NRG2: variants seen among roughly 807,000 people sequenced by gnomAD.
NRG2 encodes the protein neuregulin 2.
NRG2 carries 27 observed loss-of-function variants against 73.9 expected under a neutral mutation model. That is an observed-to-expected ratio of 0.37 (90% CI 0.27 to 0.50). The LOEUF (loss-of-function observed/expected upper bound fraction) is 0.50. NRG2 is among the 20% of genes least tolerant of loss of function. The pLI is 0.96. For synonymous variants in NRG2, 532 were observed against 541.0 expected (o/e 0.98, Z 0.23); for missense variants, 1,126 against 1,210.1 (o/e 0.93, Z 1.03).
At chr5:140,007,296 G>A (rs949418224) in intron 1 of NRG2, among the ~76,000 whole-genome samples, 2 of 152,068 alleles carry the variant, frequency 1.3e-5, no homozygotes, top group African/African-American at 2.4e-5. Flanking sequence ...CATCCTGTGC[G>A]AGCTGTAGTG....
chr5:139,917,560 GT>G (rs1751351566), intron 1 of NRG2, among the ~76,000 whole-genome samples: 1 of 151,992 alleles, frequency 6.6e-6, no homozygotes, highest in Non-Finnish European at 1.5e-5. Flanking sequence ...CCTTATTATT[GT>G]TTTGATCTGT....
intron 1 of NRG2, among the ~76,000 whole-genome samples, chr5:139,932,399 C>A (rs574287230): frequency 1.3e-5 from 2 of 150,026 alleles, no homozygotes; most frequent in African/African-American, 5.0e-5. Context: ...CATGATCTCA[C>A]TTATTAGTAG....
Position 139,954,841 on chromosome 5 carries a change from T to G in NRG2, c.701-67330A>C, listed in dbSNP as rs781772577. On this transcript the variant is annotated intron_variant, in intron 1 of 9. Coordinates refer to ENST00000361474, the MANE Select transcript of NRG2 (RefSeq NM_004883.3). This position sits in a 1 kb window ranked among gnomAD's most constrained non-coding sequence, Gnocchi z 5.0. The stretch of plus-strand genomic sequence containing the variant: ...GTTTTTGTAAGGATAAATTAGAAAA[T>G]GCTTGGAACAGAGCCTGGCACACAG... Among the ~76,000 whole-genome samples the G allele has an allele frequency of 1.3e-5, 2 of 152,090 alleles. No individual in the cohort carries two copies. The highest frequency in any genetic ancestry group is 6.5e-5 in the Admixed American group (1 of 15,268).
chr5:139,859,795 TGGAAAGGAAAC>T, intron 5 of NRG2: 1 of 1,347,542 alleles, frequency 7.4e-7, no homozygotes, highest in South Asian at 1.3e-5. Context: ...TTCCATTTTT[TGGAAAGGAAAC>T]CAAACATTCA....
rs535252993 is a variant in NRG2, at chr5:140,000,960, C to T, written c.700+41410G>A. ...CATAGGACTCAACGTCCTTCTCGATCTCTCTGTGACCTACTTTGATAGCCT... is the reference window on the plus strand; with the variant it reads ...CATAGGACTCAACGTCCTTCTCGATTTCTCTGTGACCTACTTTGATAGCCT... On this transcript the variant is annotated intron_variant, in intron 1 of 9. Coordinates refer to ENST00000361474, the MANE Select transcript of NRG2 (RefSeq NM_004883.3). Among the ~76,000 whole-genome samples, 22 of 152,338 alleles carry T rather than the reference C, an allele frequency of 1.4e-4. No individual in the cohort carries two copies. The South Asian group carries it at 4.4e-3, about 30-fold the overall frequency.
intron 1 of NRG2, among the ~76,000 whole-genome samples, chr5:139,927,867 A>C (rs761382492): frequency 6.6e-6 from 1 of 151,914 alleles, no homozygotes; most frequent in Non-Finnish European, 1.5e-5. Context: ...AAAGGAAACT[A>C]TCCCCAGGAT....
intron 1 of NRG2, among the ~76,000 whole-genome samples, chr5:139,971,078 G>C (rs540516245): frequency 6.6e-6 from 1 of 152,098 alleles, no homozygotes; most frequent in African/African-American, 2.4e-5. Context: ...CCCCAACATG[G>C]GGAGAAAAGA....
chr5:139,958,532 AG>A (rs1278260825), intron 1 of NRG2, among the ~76,000 whole-genome samples: 2 of 152,216 alleles, frequency 1.3e-5, no homozygotes, highest in Non-Finnish European at 2.9e-5. Context: ...AAATGGAAAA[AG>A]GATATTTTTT....
intron 1 of NRG2, among the ~76,000 whole-genome samples, chr5:139,978,830 C>T (rs1756571509): frequency 6.6e-6 from 1 of 151,874 alleles, no homozygotes; most frequent in African/African-American, 2.4e-5. Context: ...GACTTGGAAC[C>T]AACCCAAATG....
intron 1 of NRG2, among the ~76,000 whole-genome samples, chr5:139,911,789 GC>G (rs1750844567): frequency 6.6e-6 from 1 of 152,190 alleles, no homozygotes; most frequent in East Asian, 1.9e-4. Flanking sequence ...CAACCCTTCT[GC>G]CTGCCCCCCT....
chr5:139,859,978 A>T, intron 5 of NRG2: 1 of 1,506,734 alleles, frequency 6.6e-7, no homozygotes, highest in East Asian at 2.3e-5. Context: ...GTGGGTGGGG[A>T]CAGGGGGAGA....
intron 3 of NRG2, among the ~76,000 whole-genome samples, chr5:139,872,607 G>A (rs974162290): frequency 1.3e-5 from 2 of 152,124 alleles, no homozygotes; most frequent in South Asian, 2.1e-4. Flanking sequence ...CATAAATCAC[G>A]GGTTTCAAGT....
chr5:139,931,906 G>A (rs931307912), intron 1 of NRG2, among the ~76,000 whole-genome samples: 2 of 152,200 alleles, frequency 1.3e-5, no homozygotes, highest in Non-Finnish European at 2.9e-5. Flanking sequence ...CATTTGTATG[G>A]ACAGCTATTA....
chr5:139,906,252 T>C lies in NRG2; in HGVS notation c.701-18741A>G, dbSNP rs1765217623. ...CGAACTCCTGACCTCCTGATCCGCC[T>C]GCCTCAGCCTCTCAAAGTGTTGGGA... On this transcript the variant is annotated intron_variant, in intron 1 of 9. Coordinates refer to ENST00000361474, the MANE Select transcript of NRG2 (RefSeq NM_004883.3). 2.0e-5 allele frequency among the ~76,000 whole-genome samples: 3 copies of C among 151,848 alleles called. No homozygotes were observed. The South Asian group carries it at 6.2e-4, about 32-fold the overall frequency.
chr5:140,043,155 C>G lies in NRG2; in HGVS notation c.-86G>C, dbSNP rs1284121842. On this transcript the variant is annotated 5_prime_UTR_variant, in exon 1 of 10. Transcript: ENST00000361474. The surrounding 1 kb of genome is among the most constrained non-coding windows in gnomAD (Gnocchi z 6.7). ...GAGCCCGCTGGAAAACCGGAAACAG[C>G]GTAACGTTAGCGCCTCTTAGCCCTC... The G allele has an allele frequency of 5.4e-6, 8 of 1,476,704 alleles. No homozygotes were observed. In the Admixed American group the frequency reaches 1.6e-4, roughly 29 times the overall value. The allele number at this position is 1,476,704 out of a possible 1,614,324, so 91.5% of individuals were successfully genotyped here.
rs748080285 is a variant in NRG2, at chr5:139,887,538, G to C, written c.701-27C>G. 1 of 1,610,538 alleles carries C rather than the reference G, an allele frequency of 6.2e-7. No individual in the cohort carries two copies. On this transcript the variant is annotated intron_variant, in intron 1 of 9. Transcript: ENST00000361474. This position sits in a 1 kb window ranked among gnomAD's most constrained non-coding sequence, Gnocchi z 4.5. Reference sequence around the variant, plus strand: ...TGTGGGTTACAAGGCAGGTAGGTGAGCACGGTGGTGGTAGGGGCAGTGCCA... The same window carrying C: ...TGTGGGTTACAAGGCAGGTAGGTGACCACGGTGGTGGTAGGGGCAGTGCCA...
At chr5:139,882,515 C>T (rs997573233) in intron 2 of NRG2, among the ~76,000 whole-genome samples, 2 of 152,222 alleles carry the variant, frequency 1.3e-5, no homozygotes, top group Non-Finnish European at 2.9e-5. Flanking sequence ...GCCCACAACC[C>T]TCTTCTGTCA....
chr5:140,042,989 G>T lies in NRG2; in HGVS notation c.81C>A (p.Ser27Arg). ...TGCTGCTGCTCCTCTCGCTGCTGCT[G>T]CTGCTGCTGTCGCTGTAGCTGCTGC... ...GRCSSYSDSS[S>R]SSSERSSSSS... Residue 27 changes from serine (S) to arginine (R), a missense_variant, in exon 1 of 10, where the codon AGC becomes AGA. Coordinates refer to ENST00000361474, the MANE Select transcript of NRG2 (RefSeq NM_004883.3). 6.4e-7 allele frequency: 1 copy of T among 1,559,800 alleles called. No individual in the cohort carries two copies. Among genetic ancestry groups the T allele is most frequent in the Non-Finnish European group, 8.6e-7 (1 of 1,156,826 alleles).
chr5:139,950,451 T>A (rs1409055830), intron 1 of NRG2, among the ~76,000 whole-genome samples: 1 of 152,202 alleles, frequency 6.6e-6, no homozygotes, highest in Admixed American at 6.5e-5. Context: ...GTCTCCCCTT[T>A]CACTGAAACC....
Sources: gnomAD v4.1 joint callset for allele counts (sites outside exome capture counted in the v4.1 genomes callset) on GRCh38, gnomAD v4.1.1 for gene constraint, Gnocchi (gnomAD v3.1) non-coding constraint, MANE v1.5 for transcripts, NCBI Gene and HGNC (gene_info 2026-07-23, HGNC 2026-07-21) for gene names.